CNTLN: variants seen among roughly 807,000 people sequenced by gnomAD.
The protein encoded by CNTLN is centlein.
CNTLN carries 212 observed loss-of-function variants against 180.0 expected under a neutral mutation model. The observed-to-expected ratio is 1.18, with a 90% CI of 1.05 to 1.32. CNTLN has a LOEUF of 1.32. Among genes scored for constraint, CNTLN ranks in the 40% most tolerant of loss-of-function variants. The pLI is 0.00. For missense variants in CNTLN, 2,095 were observed against 1,610.9 expected, an observed-to-expected ratio of 1.30 and a Z score of -5.14; for synonymous variants, 722 against 563.1, an observed-to-expected ratio of 1.28 and a Z score of -3.99.
the CNTLN span, among the ~76,000 whole-genome samples, chr9:17,518,305 C>G: frequency 2.6e-5 from 4 of 151,970 alleles, no homozygotes; most frequent in Non-Finnish European, 5.9e-5. Context: ...CCTCGCCCTC[C>G]CAAAATGCTG....
Position 17,259,004 on chromosome 9 carries a change from C to G in CNTLN, c.850-14729C>G, listed in dbSNP as rs886250774. The stretch of plus-strand genomic sequence containing the variant: ...CTGATTGCCTGGCCAGAACTTCCAA[C>G]ACTATGTTGAATAGGAGTGGTGAGA... On this transcript the variant is annotated intron_variant, in intron 5 of 25. Transcript: ENST00000380647. 6.0e-5 allele frequency among the ~76,000 whole-genome samples: 9 copies of G among 150,454 alleles called. 1 individual carries two copies. Among genetic ancestry groups the G allele is most frequent in the African/African-American group, 2.2e-4 (9 of 40,104 alleles).
intron 8 of CNTLN, among the ~76,000 whole-genome samples, chr9:17,324,896 A>G (rs1820160732): frequency 6.6e-6 from 1 of 151,994 alleles, no homozygotes; most frequent in African/African-American, 2.4e-5. Context: ...GTGATAGTTT[A>G]TTTTTTACTC....
At chr9:17,468,724 A>T (rs1831891463) in intron 23 of CNTLN, among the ~76,000 whole-genome samples, 1 of 151,728 alleles carries the variant, frequency 6.6e-6, no homozygotes, top group South Asian at 2.1e-4. Context: ...ATGATAAGGT[A>T]ATGGGTATAT....
At chr9:17,336,512 T>G (rs916843024) in intron 10 of CNTLN, among the ~76,000 whole-genome samples, 2 of 152,202 alleles carry the variant, frequency 1.3e-5, no homozygotes, top group Non-Finnish European at 2.9e-5. Context: ...ACATGAATCT[T>G]TGGATGAAAC....
the CNTLN span, among the ~76,000 whole-genome samples, chr9:17,522,741 C>A: frequency 7.3e-5 from 11 of 151,490 alleles, no homozygotes; most frequent in African/African-American, 2.7e-4. Context: ...TAAAAAAAAC[C>A]CACTTTTTTA....
intron 12 of CNTLN, among the ~76,000 whole-genome samples, chr9:17,357,746 G>A (rs149768214): frequency 1.3e-5 from 2 of 151,126 alleles, no homozygotes; most frequent in Non-Finnish European, 3.0e-5. Flanking sequence ...TTTGTCACAC[G>A]AACTCATTCT....
intron 18 of CNTLN, among the ~76,000 whole-genome samples, chr9:17,433,541 C>T (rs1829557509): frequency 6.6e-6 from 1 of 152,126 alleles, no homozygotes; most frequent in South Asian, 2.1e-4. Flanking sequence ...CCACCTCGGC[C>T]TCCCAAAGTG....
Position 17,438,383 on chromosome 9 carries a change from G to A in CNTLN, c.3115-19141G>A, listed in dbSNP as rs190230122. ...ACTTTGCAGTGTTATAATCCCAAAA[G>A]TTTGATGACCAATTGCATATAGGAA... On this transcript the variant is annotated intron_variant, in intron 18 of 25. Transcript: ENST00000380647. Among the ~76,000 whole-genome samples the A allele has an allele frequency of 3.5e-4, 54 of 152,232 alleles. 1 individual carries two copies. The East Asian group carries it at 9.1e-3, about 26-fold the overall frequency.
At chr9:17,222,440 G>T (rs1373875494) in intron 2 of CNTLN, among the ~76,000 whole-genome samples, 4 of 152,132 alleles carry the variant, frequency 2.6e-5, no homozygotes, top group Middle Eastern at 3.4e-3. Flanking sequence ...AACCATGGGG[G>T]TGGTTTCCCC....
At chr9:17,274,491 A>G (rs181443773) in intron 6 of CNTLN, among the ~76,000 whole-genome samples, 4 of 147,342 alleles carry the variant, frequency 2.7e-5, no homozygotes, top group African/African-American at 5.0e-5. Flanking sequence ...CTATCTATCT[A>G]TCTATCTATC....
intron 2 of CNTLN, among the ~76,000 whole-genome samples, chr9:17,202,060 C>T (rs1330427784): frequency 6.6e-6 from 1 of 152,144 alleles, no homozygotes; most frequent in Non-Finnish European, 1.5e-5. Context: ...TTTCACAGAA[C>T]TTACTTATTT....
rs531469942 is a variant in CNTLN, at chr9:17,188,912, A to G, written c.450-37291A>G. On this transcript the variant is annotated intron_variant, in intron 2 of 25. Transcript: ENST00000380647. Reference sequence around the variant, plus strand: ...TCCAGATTATGGATTATGTGTTTCTACTTCTTTGCATACCTAATAATTTTT... The same window carrying G: ...TCCAGATTATGGATTATGTGTTTCTGCTTCTTTGCATACCTAATAATTTTT... Among the ~76,000 whole-genome samples the G allele has an allele frequency of 1.3e-4, 19 of 151,672 alleles. No homozygotes were observed. In the East Asian group the frequency reaches 3.3e-3, roughly 26 times the overall value.
In CNTLN at chr9:17,419,191, A is replaced by G. The variant is rs373903472; in HGVS notation, c.3114+3002A>G. Reference sequence around the variant, plus strand: ...TACATATAGATAGTATTTTACAACTATGAGCTAAATGGTATACTAGGTAAA... The same window carrying G: ...TACATATAGATAGTATTTTACAACTGTGAGCTAAATGGTATACTAGGTAAA... On this transcript the variant is annotated intron_variant, in intron 18 of 25. Transcript: ENST00000380647. Among the ~76,000 whole-genome samples, 579 of 152,220 alleles carry G rather than the reference A, an allele frequency of 3.8e-3. 1 individual carries two copies. Among genetic ancestry groups the G allele is most frequent in the Non-Finnish European group, 7.0e-3 (474 of 67,970 alleles).
chr9:17,457,540 TG>T lies in CNTLN; in HGVS notation c.3133del (p.Ala1045LeufsTer11). 6.7e-7 allele frequency: 1 copy of T among 1,494,782 alleles called. No homozygotes were observed. Among genetic ancestry groups the T allele is most frequent in the East Asian group, 2.5e-5 (1 of 39,506 alleles). The allele number at this position is 1,494,782 out of a possible 1,614,324, so 92.6% of individuals were successfully genotyped here. A position where few individuals can be genotyped will look rare whatever the true frequency, so the allele number is the denominator to read the frequency against. ...AAAAAAAAGAAGCTAAATTTGGATTTGGCTGGGCTTCGGAAAGAAAAAGAAG... is the reference window on the plus strand; with the variant it reads ...AAAAAAAAGAAGCTAAATTTGGATTTGCTGGGCTTCGGAAAGAAAAAGAAG... ...RQTIKKLNLD[L>X]AGLRKEKEDL... On this transcript the variant is annotated frameshift_variant, in exon 19 of 26. Transcript: ENST00000380647. LOFTEE classifies it high-confidence loss of function.
At chr9:17,263,449 G>A (rs200085795) in intron 5 of CNTLN, among the ~76,000 whole-genome samples, 3 of 151,084 alleles carry the variant, frequency 2.0e-5, no homozygotes, top group Non-Finnish European at 2.9e-5. Flanking sequence ...TCTTTGTTGG[G>A]CATTTGGATT....
At chr9:17,521,263 A>G in the CNTLN span, among the ~76,000 whole-genome samples, 12 of 16,262 alleles carry the variant, frequency 7.4e-4, no homozygotes, top group Admixed American at 2.2e-3. Flanking sequence ...GAAAGGGAGA[A>G]AAAGAGAGAG....
chr9:17,376,347 AAAG>A (rs1824756518), intron 13 of CNTLN, among the ~76,000 whole-genome samples: 1 of 152,182 alleles, frequency 6.6e-6, no homozygotes. Context: ...AAGAAAGAAA[AAAG>A]AAGAAAGCAA....
At chr9:17,252,540 CTTCTT>C (rs1826208819) in intron 5 of CNTLN, among the ~76,000 whole-genome samples, 1 of 151,582 alleles carries the variant, frequency 6.6e-6, no homozygotes, top group African/African-American at 2.4e-5. Context: ...ATGTGTATAT[CTTCTT>C]TTGAGAAATG....
chr9:17,509,329 T>G, the CNTLN span, among the ~76,000 whole-genome samples: 1 of 152,146 alleles, frequency 6.6e-6, no homozygotes, highest in Non-Finnish European at 1.5e-5. Context: ...AGGGGCCAGG[T>G]TTTGTTCTTA....
Sources: allele counts gnomAD v4.1 joint callset (sites outside exome capture counted in the v4.1 genomes callset), GRCh38; gene constraint gnomAD v4.1.1; transcripts MANE v1.5; gene names NCBI Gene and HGNC (gene_info 2026-07-23, HGNC 2026-07-21).